Variants in CEACAM5 observed in about 807,000 individuals in gnomAD.
CEACAM5 encodes the protein CEA cell adhesion molecule 5, also known as cell adhesion molecule CEACAM5.
In CEACAM5, 52 loss-of-function variants were observed where a neutral mutation model predicts 63.0. The observed-to-expected ratio is 0.83, with a 90% CI of 0.66 to 1.04. The LOEUF is 1.04. CEACAM5 is among the 50% of genes least tolerant of loss of function. The pLI is 0.00. For missense variants in CEACAM5, 790 were observed against 864.8 expected, an observed-to-expected ratio of 0.91 and a Z score of 1.08; for synonymous variants, 357 against 351.3, an observed-to-expected ratio of 1.02 and a Z score of -0.18.
rs1555813339 is a variant in CEACAM5 at position 41,708,759 on chromosome 19, A to C, written c.28A>C (p.Arg10=). 6.2e-7 allele frequency: 1 copy of C among 1,612,372 alleles called. No individual in the cohort carries two copies. Among genetic ancestry groups the C allele is most frequent in the South Asian group, 1.1e-5 (1 of 90,790 alleles). ...GGAGTCTCCCTCGGCCCCTCCCCAC[A>C]GATGGTGCATCCCCTGGCAGAGGCT... MESPSAPPH[R]WCIPWQRLLL... is the part of the protein sequence containing the mutation. Residue 10 remains arginine, a synonymous_variant, in exon 1 of 10, where the codon AGA becomes CGA. Transcript: ENST00000221992.
intron 8 of CEACAM5, among the ~76,000 whole-genome samples, chr19:41,725,933 A>G (rs535957308): frequency 2.0e-5 from 3 of 152,122 alleles, no homozygotes; most frequent in Admixed American, 6.5e-5. Context: ...ATCTCTCTTT[A>G]TATTTAATGT....
rs782648794 is a variant in CEACAM5 at position 41,717,519 on chromosome 19, A to G, written c.1023A>G (p.Val341=). The G allele has an allele frequency of 6.2e-7, 1 of 1,614,256 alleles. No individual in the cohort carries two copies. ...NSNPVEDEDA[V]ALTCEPEIQN... ...ACCCCGTGGAGGATGAGGATGCTGT[A>G]GCCTTAACCTGTGAACCTGAGATTC... The change falls in exon 5 of 10, where the codon GTA becomes GTG. Residue 341 remains valine, a synonymous_variant. Transcript: ENST00000221992.
At chr19:41,726,448 T>C (rs782354341) in intron 8 of CEACAM5, among the ~76,000 whole-genome samples, 2 of 152,204 alleles carry the variant, frequency 1.3e-5, no homozygotes, top group Non-Finnish European at 2.9e-5. Context: ...ACATGGTTAC[T>C]GGCTAAAAAT....
chr19:41,710,420 T>C (rs1555813869), intron 2 of CEACAM5, among the ~76,000 whole-genome samples: 1 of 152,104 alleles, frequency 6.6e-6, no homozygotes, highest in Non-Finnish European at 1.5e-5. Context: ...CCAGGGCTCC[T>C]GGTTCCAGGT....
chr19:41,719,220 G>A (rs2072577565), intron 6 of CEACAM5, among the ~76,000 whole-genome samples: 1 of 152,194 alleles, frequency 6.6e-6, no homozygotes, highest in African/African-American at 2.4e-5. Context: ...TTTATAGACA[G>A]GGTAAGAATA....
At chr19:41,716,697 A>G (rs181699364) in intron 4 of CEACAM5, among the ~76,000 whole-genome samples, 28 of 152,350 alleles carry the variant, frequency 1.8e-4, no homozygotes, top group African/African-American at 6.3e-4. Context: ...GGGGCTCTGC[A>G]CGGCAGGGAA....
intron 8 of CEACAM5, 100 bp downstream of exon 8, chr19:41,721,276 C>G (rs1555816200): frequency 7.3e-7 from 1 of 1,367,142 alleles, no homozygotes; most frequent in African/African-American, 1.4e-5. Flanking sequence ...AGTCTGTGTT[C>G]CATGGGCACA....
rs782783323 is a variant in CEACAM5, at chr19:41,709,919, T to A, written c.304T>A (p.Tyr102Asn). The change falls in exon 2 of 10, where the codon TAC becomes AAC. Residue 102 changes from tyrosine (Y) to asparagine (N), a missense_variant. Transcript: ENST00000221992. Reference protein sequence around the residue: ...GPAYSGREIIYPNASLLIQNI... With the variant: ...GPAYSGREIINPNASLLIQNI... The stretch of plus-strand genomic sequence containing the variant: ...CGCATACAGTGGTCGAGAGATAATA[T>A]ACCCCAATGCATCCCTGCTGATCCA... 6.2e-7 allele frequency: 1 copy of A among 1,613,942 alleles called. No individual in the cohort carries two copies. Among genetic ancestry groups the A allele is most frequent in the Non-Finnish European group, 8.5e-7 (1 of 1,180,014 alleles).
In CEACAM5 at chr19:41,718,181, G is replaced by A. The variant is rs782431372; in HGVS notation, c.1291G>A (p.Val431Met). The change falls in exon 6 of 10, where the codon GTG (valine) becomes ATG (methionine). Residue 431 changes from valine (V) to methionine (M), a missense_variant. By Grantham distance (21) the Val-to-Met change is conservative (BLOSUM62 1). Coordinates refer to ENST00000221992, the MANE Select transcript of CEACAM5 (RefSeq NM_004363.6). ...CTCATACACCTATTACCGTCCAGGG[G>A]TGAACCTCAGCCTCTCCTGCCATGC... ...SPSYTYYRPG[V>M]NLSLSCHAAS... 3 of 1,614,182 alleles carry A rather than the reference G, an allele frequency of 1.9e-6. No individual in the cohort carries two copies. The highest frequency in any genetic ancestry group is 2.5e-6 in the Non-Finnish European group (3 of 1,180,036).
intron 8 of CEACAM5, among the ~76,000 whole-genome samples, chr19:41,725,452 C>T (rs928416647): frequency 2.6e-5 from 4 of 151,732 alleles, no homozygotes; most frequent in Admixed American, 2.6e-4. Flanking sequence ...CTTACTGCAG[C>T]CTCAACCTCC....
intron 6 of CEACAM5, among the ~76,000 whole-genome samples, chr19:41,719,552 G>T: frequency 6.6e-6 from 1 of 152,264 alleles, no homozygotes; most frequent in Admixed American, 6.5e-5. Context: ...ACACCCCACG[G>T]TTGGGTGGTG....
rs2072562972 is a variant in CEACAM5, at chr19:41,718,378, C to T, written c.1488C>T (p.Val496=). The T allele has an allele frequency of 6.2e-7, 1 of 1,614,094 alleles. No individual in the cohort carries two copies. The highest frequency in any genetic ancestry group is 8.5e-7 in the Non-Finnish European group (1 of 1,179,954). ...HSRTTVKTIT[V]SAELPKPSIS... ...GGACTACAGTCAAGACAATCACAGT[C>T]TCTGGTAAGTGGATCCCTGGACCGT... Residue 496 remains valine, a synonymous_variant, in exon 6 of 10, where the codon GTC becomes GTT. Coordinates refer to ENST00000221992, the MANE Select transcript of CEACAM5 (RefSeq NM_004363.6).
chr19:41,715,828 T>C lies in CEACAM5; in HGVS notation c.882T>C (p.Ser294=), dbSNP rs1555814961. ...TCCCCAACATCACTGTGAATAATAG[T>C]GGATCCTATACGTGCCAAGCCCATA... The part of the protein sequence containing the change: ...LFIPNITVNN[S]GSYTCQAHNS... Residue 294 remains serine, a synonymous_variant, in exon 4 of 10, where the codon AGT becomes AGC. Transcript: ENST00000221992. 3.1e-6 allele frequency: 5 copies of C among 1,614,196 alleles called. No homozygotes were observed. In the Admixed American group the frequency reaches 5.0e-5, roughly 16 times the overall value.
chr19:41,728,705 T>C (rs186034714), intron 9 of CEACAM5, among the ~76,000 whole-genome samples: 1 of 144,304 alleles, frequency 6.9e-6, no homozygotes, highest in Admixed American at 7.4e-5. Flanking sequence ...GAGAATCGCT[T>C]GAACCCGGGA....
At chr19:41,724,809 T>A (rs185386709) in intron 8 of CEACAM5, among the ~76,000 whole-genome samples, 1 of 152,250 alleles carries the variant, frequency 6.6e-6, no homozygotes, top group African/African-American at 2.4e-5. Context: ...TGTTTGCGTG[T>A]TGATTTTGTA....
chr19:41,708,834 A>AGCACACAGAGACTG (rs3217253), intron 1 of CEACAM5, 39 bp downstream of exon 1: 1 of 1,541,326 alleles, frequency 6.5e-7, no homozygotes, highest in African/African-American at 1.4e-5. Flanking sequence ...GGGAGGAGGG[A>AGCACACAGAGACTG]GCTGGGGTCT....
chr19:41,718,892 C>A (rs557506767), intron 6 of CEACAM5, among the ~76,000 whole-genome samples: 1 of 152,350 alleles, frequency 6.6e-6, no homozygotes, highest in African/African-American at 2.4e-5. Flanking sequence ...CTGGCCCTGC[C>A]CTGATTTCAC....
At chr19:41,720,500 C>CTTTTTTTTT (rs10713199) in intron 7 of CEACAM5, among the ~76,000 whole-genome samples, 3 of 96,052 alleles carry the variant, frequency 3.1e-5, no homozygotes, top group African/African-American at 4.1e-5. Flanking sequence ...ATGGTTTGGA[C>CTTTTTTTTT]TTTTTTTTTT....
intron 3 of CEACAM5, 124 bp from the exon 4 acceptor site, chr19:41,715,526 A>G (rs782126418): frequency 2.3e-6 from 3 of 1,315,196 alleles, no homozygotes; most frequent in South Asian, 2.5e-5. Flanking sequence ...TAGATACAAG[A>G]GGGGTTTGGC....
Sources: allele counts gnomAD v4.1 joint callset (sites outside exome capture counted in the v4.1 genomes callset), GRCh38; gene constraint gnomAD v4.1.1; transcripts MANE v1.5; gene names NCBI Gene and HGNC (gene_info 2026-07-23, HGNC 2026-07-21).